Variants in ADH4 observed in about 807,000 individuals in gnomAD.
ADH4 encodes alcohol dehydrogenase 4 (class II), pi polypeptide.
Under a neutral mutation model 35.2 loss-of-function variants are expected in ADH4, and 31 were observed. The observed-to-expected ratio is 0.88, with a 90% confidence interval of 0.66 to 1.19. The LOEUF (loss-of-function observed/expected upper bound fraction) is 1.19. Ranked by LOEUF, ADH4 falls within the 50% of genes most tolerant of loss-of-function variation. ADH4 has a pLI of 0.00. For synonymous variants in ADH4, 171 were observed against 160.2 expected (o/e 1.07, Z -0.51); for missense variants, 476 against 458.3 (o/e 1.04, Z -0.35).
At position 99,134,646 on chromosome 4, in the gene ADH4, C is replaced by T. The variant is rs369551597; in HGVS notation, c.582+1820G>A. The stretch of plus-strand genomic sequence containing the variant: ...GTGCACATCTGCTGTCAACTCCACC[C>T]AGCTACTAGTACCCTTCTCTGATTG... On this transcript the variant is annotated intron_variant, in intron 5 of 8. Transcript: ENST00000265512. Among the ~76,000 whole-genome samples, 31 of 152,024 alleles carry T rather than the reference C, an allele frequency of 2.0e-4. 1 individual carries two copies. The highest frequency in any genetic ancestry group is 6.5e-4 in the African/African-American group (27 of 41,478).
intron 6 of ADH4, 116 bp downstream of exon 6, chr4:99,131,387 CA>C (rs1168595211): frequency 2.5e-5 from 29 of 1,154,728 alleles, no homozygotes; most frequent in Middle Eastern, 3.0e-4. Context: ...ATAGTTCTAC[CA>C]CCCTGTCATC....
At chr4:99,140,864 C>T (rs1334058904) in intron 3 of ADH4, among the ~76,000 whole-genome samples, 1 of 70,764 alleles carries the variant, frequency 1.4e-5, no homozygotes, top group Non-Finnish European at 2.5e-5. Flanking sequence ...AAGGCTCCAT[C>T]TCAAAAAAAA....
Position 99,136,451 on chromosome 4 carries a change from T to C in ADH4, c.582+15A>G. On this transcript the variant is annotated intron_variant, in intron 5 of 8. Transcript: ENST00000265512. ...GTAACTTCTGTTTTACACAAACTGG[T>C]GTTTAACCATTTACCTTGGCATTGT... 6.2e-7 allele frequency: 1 copy of C among 1,605,264 alleles called. No individual in the cohort carries two copies. Among genetic ancestry groups the C allele is most frequent in the Non-Finnish European group, 8.5e-7 (1 of 1,172,276 alleles).
chr4:99,131,337 A>G (rs1729264153), intron 6 of ADH4, among the ~76,000 whole-genome samples, 167 bp downstream of exon 6: 1 of 152,172 alleles, frequency 6.6e-6, no homozygotes, highest in Non-Finnish European at 1.5e-5. Flanking sequence ...ATTGAAGGAA[A>G]TGGAGTATAG....
rs1181325423 is a variant in ADH4, at chr4:99,139,101, A to T, written c.310T>A (p.Phe104Ile). The T allele has an allele frequency of 6.2e-7, 1 of 1,613,556 alleles. No individual in the cohort carries two copies. Among genetic ancestry groups the T allele is most frequent in the East Asian group, 2.2e-5 (1 of 44,822 alleles). ...LYAPLCRKCK[F>I]CLSPLTNLCG... ...AAATTTGTGAGTGGACTCAGACAAA[A>T]CTTGCATTTTCTACATAGAGGTGCA... Residue 104 changes from phenylalanine to isoleucine, a missense_variant, in exon 4 of 9, where the codon TTT (phenylalanine) becomes ATT (isoleucine). Coordinates refer to ENST00000265512, the MANE Select transcript of ADH4 (RefSeq NM_000670.5).
At chr4:99,143,143 G>C (rs1180127280) in intron 1 of ADH4, 3 of 701,734 alleles carry the variant, frequency 4.3e-6, no homozygotes, top group South Asian at 1.5e-5. Flanking sequence ...TGAGTGAACT[G>C]TTTGAAATCA....
intron 1 of ADH4, 25 bp downstream of exon 1, chr4:99,144,180 A>T: frequency 6.2e-7 from 1 of 1,613,216 alleles, no homozygotes; most frequent in South Asian, 1.1e-5. Flanking sequence ...CACAAACTGA[A>T]CAAAGATACA....
chr4:99,137,075 G>T, intron 4 of ADH4, among the ~76,000 whole-genome samples: 1 of 151,566 alleles, frequency 6.6e-6, no homozygotes, highest in Middle Eastern at 3.4e-3. Flanking sequence ...TCAGCCTCCC[G>T]AGTAGCTGGG....
At chr4:99,128,998 C>A (rs913563210) in intron 6 of ADH4, among the ~76,000 whole-genome samples, 4 of 151,952 alleles carry the variant, frequency 2.6e-5, no homozygotes, top group Admixed American at 1.3e-4. Context: ...TGGGTTTTTG[C>A]CATGTTGCCC....
At chr4:99,127,411 T>C (rs1729135110) in intron 6 of ADH4, 67 bp from the exon 7 acceptor site, 2 of 1,329,150 alleles carry the variant, frequency 1.5e-6, no homozygotes, top group South Asian at 1.5e-5. Context: ...AGTGTGGCAA[T>C]GTACAATGCT....
intron 3 of ADH4, among the ~76,000 whole-genome samples, chr4:99,139,604 A>G (rs953265614): frequency 6.6e-6 from 1 of 152,148 alleles, no homozygotes; most frequent in African/African-American, 2.4e-5. Flanking sequence ...ATAAATTCCA[A>G]TTTAATAGTG....
intron 3 of ADH4, among the ~76,000 whole-genome samples, chr4:99,140,481 C>T (rs1252551011): frequency 1.3e-5 from 2 of 148,232 alleles, no homozygotes; most frequent in African/African-American, 5.0e-5. Flanking sequence ...GGCTGAGGCA[C>T]AAGATTTGTG....
chr4:99,143,019 A>T (rs1268190326), intron 1 of ADH4: 2 of 664,540 alleles, frequency 3.0e-6, no homozygotes, highest in Non-Finnish European at 5.4e-6. Context: ...TTTCTTGAAA[A>T]AAAAACAGGT....
At chr4:99,125,690 G>A (rs1166597517) in intron 8 of ADH4, among the ~76,000 whole-genome samples, 1 of 152,126 alleles carries the variant, frequency 6.6e-6, no homozygotes, top group Admixed American at 6.6e-5. Flanking sequence ...TGACTGACAC[G>A]TTTGCAAATT....
chr4:99,133,101 T>C (rs1729338165), intron 5 of ADH4, among the ~76,000 whole-genome samples: 1 of 152,146 alleles, frequency 6.6e-6, no homozygotes, highest in African/African-American at 2.4e-5. Flanking sequence ...TGGAAATGCA[T>C]TTTTCCCATT....
chr4:99,141,639 T>A lies in ADH4; in HGVS notation c.164A>T (p.Asp55Val), dbSNP rs771196498. The A allele has an allele frequency of 3.7e-6, 6 of 1,614,086 alleles. No individual in the cohort carries two copies. In the South Asian group the frequency reaches 6.6e-5, roughly 18 times the overall value. Residue 55 changes from aspartate to valine, a missense_variant, in exon 3 of 9, where the codon GAT becomes GTT. Asp to Val is a radical substitution (Grantham distance 152). Transcript: ENST00000265512. ...SLCHTDATVIDSKFEGLAFPV... is the reference protein window; with the variant it reads ...SLCHTDATVIVSKFEGLAFPV... ...GAAAGCTAGGCCCTCAAATTTAGAA[T>A]CGATAACAGTGGCATCAGTATGGCA...
At chr4:99,139,568 C>G (rs540441324) in intron 3 of ADH4, among the ~76,000 whole-genome samples, 52 of 152,286 alleles carry the variant, frequency 3.4e-4, no homozygotes, top group African/African-American at 1.2e-3. Context: ...GATTCACTTT[C>G]AAATTCCACA....
At chr4:99,126,826 A>G in intron 7 of ADH4, 94 bp from the exon 8 acceptor site, 6 of 1,296,550 alleles carry the variant, frequency 4.6e-6, no homozygotes, top group Non-Finnish European at 6.3e-6. Context: ...ATTAGGTCAG[A>G]TTTGGTTTGC....
At chr4:99,125,502 A>G (rs1560773863) in intron 8 of ADH4, among the ~76,000 whole-genome samples, 1 of 152,222 alleles carries the variant, frequency 6.6e-6, no homozygotes, top group Non-Finnish European at 1.5e-5. Context: ...GGATATGAAT[A>G]GAAGGGTGTG....
Sources: gnomAD v4.1 joint callset for allele counts (sites outside exome capture counted in the v4.1 genomes callset) on GRCh38, gnomAD v4.1.1 for gene constraint, MANE v1.5 for transcripts, NCBI Gene and HGNC (gene_info 2026-07-23, HGNC 2026-07-21) for gene names.